The following BBX variants were observed in gnomAD, a reference collection of about 807,000 sequenced individuals.
BBX encodes BBX high mobility group box domain containing.
Under a neutral mutation model 100.2 loss-of-function variants are expected in BBX, and 30 were observed. The observed-to-expected ratio is 0.30, with a 90% CI of 0.22 to 0.41. The LOEUF (loss-of-function observed/expected upper bound fraction) is 0.41, where lower values mean the gene tolerates loss of function less well. BBX is among the 10% of genes least tolerant of loss of function. BBX has a pLI of 1.00. For missense variants in BBX, 1,023 were observed against 1,129.8 expected (o/e 0.91, Z 1.35); for synonymous variants, 376 against 388.1 (o/e 0.97, Z 0.37).
At chr3:107,670,362 C>T (rs533373857) in intron 3 of BBX, among the ~76,000 whole-genome samples, 95 of 152,128 alleles carry the variant, frequency 6.2e-4, no homozygotes, top group South Asian at 4.8e-3. Flanking sequence ...TAGTGTAATA[C>T]TGCTGTTGAA....
chr3:107,755,437 G>A (rs967336438), intron 9 of BBX, among the ~76,000 whole-genome samples, 161 bp from the exon 10 acceptor site: 1 of 152,080 alleles, frequency 6.6e-6, no homozygotes, highest in African/African-American at 2.4e-5. Context: ...ACTAAAAATG[G>A]TTCTCAAAAT....
At chr3:107,749,790 C>T (rs575651555) in intron 9 of BBX, among the ~76,000 whole-genome samples, 5 of 152,150 alleles carry the variant, frequency 3.3e-5, no homozygotes, top group Middle Eastern at 3.4e-3. Context: ...TCCACCACCA[C>T]GCCCGGCTAA....
intron 3 of BBX, among the ~76,000 whole-genome samples, chr3:107,672,679 A>G (rs1296706754): frequency 6.6e-6 from 1 of 151,980 alleles, no homozygotes; most frequent in Non-Finnish European, 1.5e-5. Flanking sequence ...AAATATTAGG[A>G]TCTTATGATA....
intron 9 of BBX, 22 bp from the exon 10 acceptor site, chr3:107,755,576 A>G (rs777662857): frequency 2.5e-6 from 4 of 1,600,286 alleles, no homozygotes; most frequent in Middle Eastern, 1.7e-4. Flanking sequence ...AATATTCCCT[A>G]TTTGGATTGT....
At chr3:107,662,112 A>C (rs1038313532) in intron 3 of BBX, among the ~76,000 whole-genome samples, 16 of 152,258 alleles carry the variant, frequency 1.1e-4, no homozygotes, top group African/African-American at 3.9e-4. Flanking sequence ...AAACAATGAC[A>C]AATTAAAAAG....
chr3:107,532,157 G>A (rs1431383242), intron 2 of BBX, among the ~76,000 whole-genome samples: 5 of 151,930 alleles, frequency 3.3e-5, no homozygotes, highest in Admixed American at 6.6e-5. Flanking sequence ...TCGTGTCACC[G>A]CACTCCAGCC....
intron 2 of BBX, among the ~76,000 whole-genome samples, chr3:107,585,077 C>G (rs1340651538): frequency 6.6e-6 from 1 of 152,056 alleles, no homozygotes; most frequent in Non-Finnish European, 1.5e-5. Context: ...ATGAACCATA[C>G]TGGGGCTGAG....
At position 107,735,143 on chromosome 3, in the gene BBX, A is replaced by G. The variant is rs189195466; in HGVS notation, c.669+2120A>G. ...ATAAAATAATGCTGTCTCTAAATATAGGTAGTTTGAGAATTTACTTCACAG... is the reference window on the plus strand; with the variant it reads ...ATAAAATAATGCTGTCTCTAAATATGGGTAGTTTGAGAATTTACTTCACAG... On this transcript the variant is annotated intron_variant, in intron 7 of 17. Coordinates refer to ENST00000325805, the MANE Select transcript of BBX (RefSeq NM_001142568.3). 2.3e-3 allele frequency among the ~76,000 whole-genome samples: 350 copies of G among 152,230 alleles called. 4 individuals carry two copies. The highest frequency in any genetic ancestry group is 8.1e-3 in the African/African-American group (336 of 41,560).
At chr3:107,626,526 A>C (rs1576060186) in intron 2 of BBX, among the ~76,000 whole-genome samples, 1 of 152,158 alleles carries the variant, frequency 6.6e-6, no homozygotes, top group African/African-American at 2.4e-5. Context: ...CTTAGGCTCT[A>C]TTCATGGGAA....
intron 2 of BBX, among the ~76,000 whole-genome samples, chr3:107,569,561 T>C (rs1209433652): frequency 1.3e-5 from 2 of 152,172 alleles, no homozygotes; most frequent in Non-Finnish European, 1.5e-5. Flanking sequence ...GAGATGTGGC[T>C]ATAGCCTAGG....
At chr3:107,663,573 G>A (rs988724047) in intron 3 of BBX, among the ~76,000 whole-genome samples, 3 of 151,570 alleles carry the variant, frequency 2.0e-5, no homozygotes, top group African/African-American at 7.3e-5. Context: ...TCATACTTAT[G>A]TACCCCCTAC....
chr3:107,631,554 A>C (rs189823150), intron 2 of BBX, among the ~76,000 whole-genome samples: 3 of 151,678 alleles, frequency 2.0e-5, no homozygotes, highest in Admixed American at 6.6e-5. Flanking sequence ...AAAAAAAAAA[A>C]CACTAAAAAT....
At chr3:107,552,409 A>G (rs1046632505) in intron 2 of BBX, among the ~76,000 whole-genome samples, 3 of 147,586 alleles carry the variant, frequency 2.0e-5, no homozygotes, top group Non-Finnish European at 3.0e-5. Context: ...TCCTCTGCTC[A>G]TGTTAGAGAA....
chr3:107,598,963 T>G (rs1341363165), intron 2 of BBX, among the ~76,000 whole-genome samples: 1 of 152,016 alleles, frequency 6.6e-6, no homozygotes, highest in African/African-American at 2.4e-5. Flanking sequence ...CCTGGGGCCC[T>G]CTGGCCCCAG....
At chr3:107,536,522 TTTTG>T (rs527950047) in intron 2 of BBX, among the ~76,000 whole-genome samples, 13 of 152,204 alleles carry the variant, frequency 8.5e-5, no homozygotes, top group Non-Finnish European at 1.5e-4. Context: ...GGCGCTCGTC[TTTTG>T]TTTGTTGTGT....
At chr3:107,750,076 T>C (rs146605375) in intron 9 of BBX, among the ~76,000 whole-genome samples, 73 of 152,336 alleles carry the variant, frequency 4.8e-4, no homozygotes, top group African/African-American at 1.7e-3. Flanking sequence ...TTTCATAAAC[T>C]AATTTGTCCT....
intron 3 of BBX, chr3:107,661,752 C>T (rs533652656): frequency 2.3e-6 from 1 of 430,292 alleles, no homozygotes; most frequent in South Asian, 9.7e-5. Context: ...TTATTTCTGT[C>T]CTCTGTTTAT....
chr3:107,763,699 T>C (rs918627689), intron 10 of BBX, among the ~76,000 whole-genome samples: 1 of 152,178 alleles, frequency 6.6e-6, no homozygotes. Context: ...TTGAAGAAGA[T>C]AACTTTTTAT....
At chr3:107,782,391 C>T (rs566464487) in intron 13 of BBX, among the ~76,000 whole-genome samples, 2 of 152,208 alleles carry the variant, frequency 1.3e-5, no homozygotes, top group South Asian at 4.1e-4. Flanking sequence ...AAAACCCTTG[C>T]TCTTTATATA....
Sources: gnomAD v4.1 joint callset for allele counts (sites outside exome capture counted in the v4.1 genomes callset) on GRCh38, gnomAD v4.1.1 for gene constraint, MANE v1.5 for transcripts, NCBI Gene and HGNC (gene_info 2026-07-23, HGNC 2026-07-21) for gene names.